ETFBKMT: variants seen among roughly 807,000 people sequenced by gnomAD.
ETFBKMT encodes electron transfer flavoprotein beta subunit lysine methyltransferase.
In ETFBKMT, 13 loss-of-function variants were observed where a neutral mutation model predicts 18.3. That is an observed-to-expected ratio of 0.71 (90% CI 0.46 to 1.13). The LOEUF (loss-of-function observed/expected upper bound fraction) is 1.13. ETFBKMT is among the 50% of genes most tolerant of loss of function. The pLI, the probability that ETFBKMT is intolerant of heterozygous loss-of-function variation, is 0.00. For synonymous variants in ETFBKMT, 84 were observed against 107.9 expected (o/e 0.78, Z 1.37); for missense variants, 293 against 306.2 (o/e 0.96, Z 0.32).
intron 1 of ETFBKMT, among the ~76,000 whole-genome samples, chr12:31,648,630 C>T (rs1455567403): frequency 2.9e-5 from 4 of 137,896 alleles, no homozygotes; most frequent in Admixed American, 8.3e-5. Flanking sequence ...GGCGCAATCT[C>T]GGCTCACTGC....
At chr12:31,649,475 C>T (rs758997775) in intron 1 of ETFBKMT, among the ~76,000 whole-genome samples, 1 of 152,048 alleles carries the variant, frequency 6.6e-6, no homozygotes, top group Non-Finnish European at 1.5e-5. Flanking sequence ...ACAAATTGAA[C>T]GTTTGTGGTA....
intron 2 of ETFBKMT, among the ~76,000 whole-genome samples, chr12:31,665,815 A>G (rs1367259052): frequency 5.9e-5 from 9 of 152,216 alleles, no homozygotes. Flanking sequence ...GCATGTCCTT[A>G]AGGCACAGAT....
At chr12:31,651,055 G>A (rs1437881813) in intron 1 of ETFBKMT, among the ~76,000 whole-genome samples, 1 of 152,122 alleles carries the variant, frequency 6.6e-6, no homozygotes, top group Non-Finnish European at 1.5e-5. Context: ...TGATTCAGAA[G>A]GGACGTGGAG....
upstream of ETFBKMT, among the ~76,000 whole-genome samples, chr12:31,658,495 T>G (rs554535914): frequency 2.6e-5 from 4 of 152,326 alleles, no homozygotes; most frequent in African/African-American, 4.8e-5. Flanking sequence ...TTCCTTTCCT[T>G]GTAGTAGTTC....
rs996254227 is a variant in ETFBKMT at position 31,661,854 on chromosome 12, G to A, written c.-100G>A. 1.7e-5 allele frequency: 18 copies of A among 1,045,786 alleles called. No homozygotes were observed. Among genetic ancestry groups the A allele is most frequent in the Non-Finnish European group, 2.3e-5 (16 of 702,408 alleles). The allele number at this position is 1,045,786 out of a possible 1,614,324, so 64.8% of individuals were successfully genotyped here. A position where few individuals can be genotyped will look rare whatever the true frequency, so the allele number is the denominator to read the frequency against. On this transcript the variant is annotated 5_prime_UTR_variant, in exon 2 of 4. Transcript: ENST00000357721. ...TTTTTTTTTCAGAGTCAGAGGTTCC[G>A]GTTGAGATCAAGTTGGGAGACACAC... is the stretch of plus-strand genomic sequence containing the variant.
intron 2 of ETFBKMT, among the ~76,000 whole-genome samples, chr12:31,663,200 C>G (rs1451584769): frequency 6.6e-6 from 1 of 152,030 alleles, no homozygotes; most frequent in Non-Finnish European, 1.5e-5. Flanking sequence ...TCACGCCATT[C>G]TCCTGCCTCA....
Position 31,666,164 on chromosome 12 carries a change from TTGC to T in ETFBKMT, c.397_399del (p.Ala133del), listed in dbSNP as rs1348157549. The T allele has an allele frequency of 3.1e-6, 5 of 1,614,050 alleles. No individual in the cohort carries two copies. Among genetic ancestry groups the T allele is most frequent in the Non-Finnish European group, 4.2e-6 (5 of 1,180,006 alleles). ...GGGAGTGGATGTGGAGCTACAGCTA[TTGC>T]TGCTAAGATGAGTGGGGCATCAAGG... On this transcript the variant is annotated inframe_deletion, in exon 3 of 4. Transcript: ENST00000357721.
upstream of ETFBKMT, among the ~76,000 whole-genome samples, chr12:31,657,870 G>A (rs1440658645): frequency 6.6e-6 from 1 of 151,204 alleles, no homozygotes; most frequent in East Asian, 1.9e-4. Flanking sequence ...ACCCAGGCAA[G>A]CCATTATAAT....
chr12:31,666,215 C>G lies in ETFBKMT; in HGVS notation c.443C>G (p.Pro148Arg), dbSNP rs1298090005. The G allele has an allele frequency of 1.9e-6, 3 of 1,605,396 alleles. No individual in the cohort carries two copies. The highest frequency in any genetic ancestry group is 1.1e-5 in the South Asian group (1 of 89,318). Reference sequence around the variant, plus strand: ...AGGATCTTGGCCAATGACATAGACCCTAGTAAGGATTCATATTTTAAAATA... The same window carrying G: ...AGGATCTTGGCCAATGACATAGACCGTAGTAAGGATTCATATTTTAAAATA... ...ASRILANDIDPIAGMAITLNC... is the reference protein window; with the variant it reads ...ASRILANDIDRIAGMAITLNC... Residue 148 changes from proline (P) to arginine (R), a missense_variant and splice_region_variant, in exon 3 of 4, where the codon CCT (proline) becomes CGT (arginine). Coordinates refer to ENST00000357721, the MANE Select transcript of ETFBKMT (RefSeq NM_001135863.2).
rs1426383857 is a variant in ETFBKMT, at chr12:31,662,285, C to G, written c.314+18C>G. 6.2e-7 allele frequency: 1 copy of G among 1,608,464 alleles called. No individual in the cohort carries two copies. The highest frequency in any genetic ancestry group is 8.5e-7 in the Non-Finnish European group (1 of 1,176,190). ...CTGTCTAGGTACTACCCTAATGAAA[C>G]CTTTAAGGCGCTACAGATCTTTGCT... On this transcript the variant is annotated intron_variant, in intron 2 of 3. Coordinates refer to ENST00000357721, the MANE Select transcript of ETFBKMT (RefSeq NM_001135863.2).
chr12:31,667,932 C>G lies in ETFBKMT; in HGVS notation c.731C>G (p.Ser244Cys). 6.2e-7 allele frequency: 1 copy of G among 1,614,182 alleles called. No individual in the cohort carries two copies. Among genetic ancestry groups the G allele is most frequent in the Non-Finnish European group, 8.5e-7 (1 of 1,180,030 alleles). Residue 244 changes from serine to cysteine, a missense_variant, in exon 4 of 4, where the codon TCT becomes TGT. Coordinates refer to ENST00000357721, the MANE Select transcript of ETFBKMT (RefSeq NM_001135863.2). ...HKVVEYSLLE[S>C]TRQENSGLTT... is the part of the protein sequence containing the mutation. The stretch of plus-strand genomic sequence containing the variant: ...GTGGTAGAATATTCACTTTTGGAGT[C>G]TACTAGGCAGGAAAACAGTGGACTG...
chr12:31,661,497 C>CGTT (rs1485886971), intron 1 of ETFBKMT, among the ~76,000 whole-genome samples: 1 of 150,842 alleles, frequency 6.6e-6, no homozygotes, highest in Non-Finnish European at 1.5e-5. Context: ...TTTTATGAGA[C>CGTT]GGAGTTTTGC....
chr12:31,654,590 C>T (rs114057995), upstream of ETFBKMT, among the ~76,000 whole-genome samples: 36 of 151,600 alleles, frequency 2.4e-4, no homozygotes, highest in African/African-American at 8.2e-4. Context: ...CACTACTTAG[C>T]AATATAAAGG....
upstream of ETFBKMT, chr12:31,659,121 G>C (rs1410255286): frequency 6.6e-6 from 1 of 152,182 alleles, no homozygotes; most frequent in African/African-American, 2.4e-5. Flanking sequence ...GCGCCCTTTG[G>C]TTTCGCGCTT....
At chr12:31,651,063 G>A (rs1429606612) in intron 1 of ETFBKMT, among the ~76,000 whole-genome samples, 1 of 152,126 alleles carries the variant, frequency 6.6e-6, no homozygotes. Flanking sequence ...AAGGGACGTG[G>A]AGAACAACTT....
chr12:31,655,043 G>A (rs1316052398), upstream of ETFBKMT, among the ~76,000 whole-genome samples: 6 of 146,166 alleles, frequency 4.1e-5, no homozygotes, highest in African/African-American at 1.3e-4. Context: ...GCGACAGAGT[G>A]AGACTCTGTC....
In ETFBKMT at chr12:31,669,057, A is replaced by G. The variant is rs573922342; in HGVS notation, c.*1067A>G. 1.7e-4 allele frequency: 26 copies of G among 152,324 alleles called. No individual in the cohort carries two copies. The South Asian group carries it at 5.4e-3, about 32-fold the overall frequency. 9.4% of individuals were successfully genotyped at this position (152,324 alleles called of 1,614,324 possible). A position where few individuals can be genotyped will look rare whatever the true frequency, so the allele number is the denominator to read the frequency against. On this transcript the variant is annotated 3_prime_UTR_variant, in exon 4 of 4. Transcript: ENST00000357721. ...TTTTGTTGATAGCTAGACATGATGT[A>G]TTGCATAAATAAACAAGTAAACTAA...
upstream of ETFBKMT, among the ~76,000 whole-genome samples, chr12:31,658,940 TTTTTTA>T (rs1251352892): frequency 6.6e-6 from 1 of 151,958 alleles, no homozygotes; most frequent in Admixed American, 6.6e-5. Context: ...TTTTTTTTTT[TTTTTTA>T]AATATACGGT....
At chr12:31,663,341 T>C (rs1339450922) in intron 2 of ETFBKMT, among the ~76,000 whole-genome samples, 3 of 152,054 alleles carry the variant, frequency 2.0e-5, no homozygotes, top group Non-Finnish European at 4.4e-5. Context: ...TCCGCCCTCC[T>C]CGGCCTCCCA....
Sources: gnomAD v4.1 joint callset for allele counts (sites outside exome capture counted in the v4.1 genomes callset) on GRCh38, gnomAD v4.1.1 for gene constraint, MANE v1.5 for transcripts, NCBI Gene and HGNC (gene_info 2026-07-23, HGNC 2026-07-21) for gene names.